Variants in MYO16 observed in about 807,000 individuals in gnomAD.
The protein encoded by MYO16 is unconventional myosin-XVI.
Under a neutral mutation model 205.3 loss-of-function variants are expected in MYO16, and 94 were observed. That is an observed-to-expected ratio of 0.46 (90% CI 0.39 to 0.54). MYO16 has a LOEUF of 0.54. Ranked by LOEUF, MYO16 falls within the 20% of genes least tolerant of loss-of-function variation. The probability of loss-of-function intolerance (pLI) is 0.00; values close to 1 mark genes in which losing one functional copy is unlikely to be tolerated. For missense variants in MYO16, 2,315 were observed against 2,387.5 expected (o/e 0.97, Z 0.63); for synonymous variants, 988 against 954.0 (o/e 1.04, Z -0.66).
At chr13:109,164,357 A>G (rs1878538056) in intron 32 of MYO16, among the ~76,000 whole-genome samples, 1 of 152,214 alleles carries the variant, frequency 6.6e-6, no homozygotes, top group Non-Finnish European at 1.5e-5. Flanking sequence ...TACCTCTCAA[A>G]ACACTTAACA....
chr13:108,621,733 C>T (rs572433162), intron 1 of MYO16, among the ~76,000 whole-genome samples: 2 of 152,204 alleles, frequency 1.3e-5, no homozygotes, highest in Admixed American at 1.3e-4. Context: ...TCATTCCCCT[C>T]ACATCAGGCA....
the MYO16 span, among the ~76,000 whole-genome samples, chr13:108,585,455 G>T: frequency 6.6e-6 from 1 of 152,178 alleles, no homozygotes; most frequent in Non-Finnish European, 1.5e-5. Context: ...GTTTTATTGT[G>T]CAGAGGGAGC....
chr13:109,126,845 G>A (rs1037551846), intron 30 of MYO16, among the ~76,000 whole-genome samples: 1 of 152,184 alleles, frequency 6.6e-6, no homozygotes, highest in Non-Finnish European at 1.5e-5. Context: ...AGGGGAAATG[G>A]TGATGAACTC....
chr13:108,646,535 C>T (rs79871575), intron 1 of MYO16, among the ~76,000 whole-genome samples: 1 of 152,108 alleles, frequency 6.6e-6, no homozygotes, highest in Non-Finnish European at 1.5e-5. Context: ...TGGCATTAAG[C>T]CTTCATCTTT....
chr13:108,742,902 T>C (rs1429645671), intron 4 of MYO16, among the ~76,000 whole-genome samples: 1 of 152,178 alleles, frequency 6.6e-6, no homozygotes, highest in Non-Finnish European at 1.5e-5. Context: ...TAGGGAATGG[T>C]CTCTGAATAG....
At chr13:108,821,414 C>G (rs191832437) in intron 8 of MYO16, among the ~76,000 whole-genome samples, 2 of 152,262 alleles carry the variant, frequency 1.3e-5, no homozygotes, top group Admixed American at 1.3e-4. Flanking sequence ...GAGAATCAAG[C>G]TAATATTACT....
intron 2 of MYO16, among the ~76,000 whole-genome samples, chr13:108,667,137 A>C (rs1402047338): frequency 6.6e-6 from 1 of 152,190 alleles, no homozygotes; most frequent in African/African-American, 2.4e-5. Context: ...AAAAATAATA[A>C]ATTCAATAAC....
chr13:108,796,328 A>G (rs1297217603), intron 6 of MYO16, among the ~76,000 whole-genome samples: 1 of 152,180 alleles, frequency 6.6e-6, no homozygotes, highest in African/African-American at 2.4e-5. Context: ...GGGACTGTAA[A>G]CTAGTTCAAC....
At chr13:108,566,284 TTATTC>T in the MYO16 span, among the ~76,000 whole-genome samples, 3 of 152,158 alleles carry the variant, frequency 2.0e-5, no homozygotes, top group Non-Finnish European at 4.4e-5. Flanking sequence ...ATTTATTTGT[TTATTC>T]TAAATGTTCT....
the MYO16 span, among the ~76,000 whole-genome samples, chr13:108,499,064 G>A: frequency 2.0e-5 from 3 of 152,306 alleles, no homozygotes; most frequent in African/African-American, 7.2e-5. Context: ...TGCCCTGGAT[G>A]TGCTATTCAG....
the MYO16 span, among the ~76,000 whole-genome samples, chr13:108,586,038 A>G: frequency 9.0e-4 from 137 of 152,304 alleles, no homozygotes; most frequent in African/African-American, 3.3e-3. Flanking sequence ...TGTTTTTAGA[A>G]TAGATCTTGA....
At chr13:108,874,536 A>C (rs1032882979) in intron 12 of MYO16, among the ~76,000 whole-genome samples, 1 of 152,022 alleles carries the variant, frequency 6.6e-6, no homozygotes, top group Non-Finnish European at 1.5e-5. Context: ...TCTGCAGTTG[A>C]ATAAGCTGAG....
In MYO16 at chr13:108,711,522, C is replaced by T. The variant is rs901761365; in HGVS notation, c.293-1139C>T. ...GGCTGACCTGGCTCACAGGCGGAGG[C>T]CTGTCTCCCTCATCACACCCACTGC... On this transcript the variant is annotated intron_variant, in intron 2 of 34. Coordinates refer to ENST00000457511, the MANE Select transcript of MYO16 (RefSeq NM_001198950.3). Among the ~76,000 whole-genome samples the T allele has an allele frequency of 2.0e-5, 3 of 152,206 alleles. No individual in the cohort carries two copies. The South Asian group carries it at 6.2e-4, about 31-fold the overall frequency.
intron 31 of MYO16, among the ~76,000 whole-genome samples, chr13:109,128,204 C>T (rs1377014692): frequency 6.6e-6 from 1 of 152,148 alleles, no homozygotes; most frequent in Non-Finnish European, 1.5e-5. Context: ...TATTGATCAC[C>T]CGCTATGCAT....
At chr13:109,022,091 T>A (rs939679934) in intron 23 of MYO16, among the ~76,000 whole-genome samples, 4 of 146,040 alleles carry the variant, frequency 2.7e-5, no homozygotes, top group African/African-American at 1.0e-4. Context: ...GTATGTATAA[T>A]ATATACATAT....
At chr13:108,949,656 C>A (rs11841252) in intron 16 of MYO16, among the ~76,000 whole-genome samples, 53 of 152,096 alleles carry the variant, frequency 3.5e-4, no homozygotes, top group African/African-American at 1.2e-3. Context: ...AATATTAAGA[C>A]ACGTATGGAA....
the MYO16 span, among the ~76,000 whole-genome samples, chr13:108,574,678 T>C: frequency 8.0e-6 from 1 of 124,664 alleles, no homozygotes; most frequent in Admixed American, 8.3e-5. Context: ...TTTGTGTGTG[T>C]GTGTGTGTGT....
At chr13:108,706,024 C>T (rs549098747) in intron 2 of MYO16, among the ~76,000 whole-genome samples, 1 of 152,188 alleles carries the variant, frequency 6.6e-6, no homozygotes, top group African/African-American at 2.4e-5. Context: ...TAACTACAGG[C>T]ATACTGAAAT....
chr13:108,637,174 C>T (rs532299495), intron 1 of MYO16, among the ~76,000 whole-genome samples: 1 of 152,260 alleles, frequency 6.6e-6, no homozygotes, highest in East Asian at 1.9e-4. Context: ...TACAGACTTC[C>T]AAGAACATCA....
Sources: gnomAD v4.1 joint callset for allele counts (sites outside exome capture counted in the v4.1 genomes callset) on GRCh38, gnomAD v4.1.1 for gene constraint, MANE v1.5 for transcripts, NCBI Gene and HGNC (gene_info 2026-07-23, HGNC 2026-07-21) for gene names.